Variants in RSF1 observed in about 807,000 individuals in gnomAD.
RSF1 encodes the protein HBV pX-associated protein 8.
In RSF1, 13 loss-of-function variants were observed where a neutral mutation model predicts 145.2. That is an observed-to-expected ratio of 0.09 (90% CI 0.06 to 0.14). RSF1 has a LOEUF of 0.14. Ranked by LOEUF, RSF1 falls within the 10% of genes least tolerant of loss-of-function variation. RSF1 has a pLI of 1.00. For missense variants in RSF1, 1,517 were observed against 1,718.2 expected, an observed-to-expected ratio of 0.88 and a Z score of 2.07; for synonymous variants, 577 against 592.6, an observed-to-expected ratio of 0.97 and a Z score of 0.38.
intron 9 of RSF1, among the ~76,000 whole-genome samples, chr11:77,688,318 T>C (rs1415577376): frequency 6.6e-6 from 1 of 151,824 alleles, no homozygotes; most frequent in Non-Finnish European, 1.5e-5. Flanking sequence ...AAAACAAAAT[T>C]CTCTTCCTTA....
At chr11:77,839,961 A>G in the RSF1 span, among the ~76,000 whole-genome samples, 1 of 152,190 alleles carries the variant, frequency 6.6e-6, no homozygotes, top group Non-Finnish European at 1.5e-5. Context: ...TTACACATGT[A>G]TCCTGGAACG....
chr11:77,825,931 A>T, the RSF1 span, among the ~76,000 whole-genome samples: 1 of 152,018 alleles, frequency 6.6e-6, no homozygotes, highest in East Asian at 1.9e-4. Context: ...ACCTCAGATG[A>T]TCTGCTCACC....
intron 1 of RSF1, among the ~76,000 whole-genome samples, chr11:77,773,905 T>C (rs1300474733): frequency 6.6e-6 from 1 of 152,232 alleles, no homozygotes; most frequent in Non-Finnish European, 1.5e-5. Context: ...ATTGCTTAGA[T>C]TTCTGGCCAA....
chr11:77,688,440 G>GA (rs1960067003), intron 9 of RSF1, among the ~76,000 whole-genome samples: 1 of 152,128 alleles, frequency 6.6e-6, no homozygotes, highest in African/African-American at 2.4e-5. Flanking sequence ...GGAGGCAAAG[G>GA]AAAAATCTAG....
At chr11:77,802,362 G>C (rs991385285) in intron 1 of RSF1, among the ~76,000 whole-genome samples, 1 of 152,116 alleles carries the variant, frequency 6.6e-6, no homozygotes, top group Non-Finnish European at 1.5e-5. Context: ...TCTTTAATTT[G>C]TGGGACTGTG....
At chr11:77,669,389 G>A (rs1012670536) in intron 15 of RSF1, among the ~76,000 whole-genome samples, 2 of 152,090 alleles carry the variant, frequency 1.3e-5, no homozygotes, top group African/African-American at 4.8e-5. Context: ...ATGTGGGATG[G>A]TTTGCTTTCC....
the RSF1 span, chr11:77,869,556 A>C: frequency 4.7e-5 from 27 of 573,042 alleles, no homozygotes; most frequent in Non-Finnish European, 3.1e-6. Flanking sequence ...GGTTCAAGGG[A>C]TCCTGCCTCG....
At chr11:77,717,432 G>T (rs921834720) in intron 5 of RSF1, among the ~76,000 whole-genome samples, 2 of 152,096 alleles carry the variant, frequency 1.3e-5, no homozygotes, top group African/African-American at 2.4e-5. Flanking sequence ...ATGGCCATAA[G>T]AACTGTTGCA....
At chr11:77,686,430 C>CAAAA (rs1328812986) in intron 9 of RSF1, among the ~76,000 whole-genome samples, 1 of 41,972 alleles carries the variant, frequency 2.4e-5, no homozygotes, top group African/African-American at 1.1e-4. Flanking sequence ...AAAAAAAAAG[C>CAAAA]AGGTGTTTTC....
At chr11:77,707,197 G>C (rs569057567) in intron 5 of RSF1, among the ~76,000 whole-genome samples, 12 of 152,116 alleles carry the variant, frequency 7.9e-5, no homozygotes, top group African/African-American at 2.9e-4. Context: ...AGAAATCATG[G>C]ATTATTCACC....
intron 1 of RSF1, among the ~76,000 whole-genome samples, chr11:77,802,836 C>A (rs1948639217): frequency 6.6e-6 from 1 of 152,084 alleles, no homozygotes; most frequent in Admixed American, 6.6e-5. Flanking sequence ...CAGGAGTGAG[C>A]CACCAAAACC....
chr11:77,812,397 G>A (rs1948740113), intron 1 of RSF1, among the ~76,000 whole-genome samples: 1 of 152,170 alleles, frequency 6.6e-6, no homozygotes, highest in Non-Finnish European at 1.5e-5. Context: ...AAATACTGGA[G>A]AATAAAGCTT....
chr11:77,737,858 G>A (rs1373501707), intron 4 of RSF1, among the ~76,000 whole-genome samples: 2 of 152,154 alleles, frequency 1.3e-5, no homozygotes, highest in South Asian at 2.1e-4. Flanking sequence ...GGCCAGGCAC[G>A]GTGGCTCACG....
chr11:77,829,936 A>G, the RSF1 span: 3 of 152,238 alleles, frequency 2.0e-5, no homozygotes, highest in Admixed American at 6.5e-5. Flanking sequence ...ATTTGAGACC[A>G]TCCTGGGAAA....
Position 77,685,083 on chromosome 11 carries a change from A to T in RSF1, c.2955+22T>A, listed in dbSNP as rs755060765. Reference sequence around the variant, plus strand: ...AATTATGACAATCTCCCATTTAAAAACATTACAAATCAGAAACTTACTTGT... The same window carrying T: ...AATTATGACAATCTCCCATTTAAAATCATTACAAATCAGAAACTTACTTGT... On this transcript the variant is annotated intron_variant, in intron 10 of 15. Coordinates refer to ENST00000308488, the MANE Select transcript of RSF1 (RefSeq NM_016578.4). The T allele has an allele frequency of 2.4e-5, 34 of 1,425,610 alleles. No homozygotes were observed. In the South Asian group the frequency reaches 4.7e-4, roughly 20 times the overall value. 88.3% of individuals were successfully genotyped at this position (1,425,610 alleles called of 1,614,324 possible).
chr11:77,829,759 A>G, the RSF1 span: 1 of 152,244 alleles, frequency 6.6e-6, no homozygotes, highest in African/African-American at 2.4e-5. Flanking sequence ...AATAGACCTC[A>G]TCAAAATTAA....
At chr11:77,756,932 T>C (rs1302785792) in intron 2 of RSF1, among the ~76,000 whole-genome samples, 1 of 152,094 alleles carries the variant, frequency 6.6e-6, no homozygotes, top group Admixed American at 6.6e-5. Context: ...CAAATAATTA[T>C]CAGGGGAAAA....
At chr11:77,820,393 C>A in intron 1 of RSF1, 135 bp downstream of exon 1, 1 of 954,744 alleles carries the variant, frequency 1.0e-6, no homozygotes, top group Non-Finnish European at 1.5e-6. Flanking sequence ...GAAGACCAGC[C>A]CGGCGGAGTT....
intron 5 of RSF1, among the ~76,000 whole-genome samples, chr11:77,721,307 G>A (rs2135881374): frequency 6.6e-6 from 1 of 152,270 alleles, no homozygotes; most frequent in East Asian, 1.9e-4. Flanking sequence ...CACAGCCCAA[G>A]GGTAATGTTT....
Sources: gnomAD v4.1 joint callset for allele counts (sites outside exome capture counted in the v4.1 genomes callset) on GRCh38, gnomAD v4.1.1 for gene constraint, MANE v1.5 for transcripts, NCBI Gene and HGNC (gene_info 2026-07-23, HGNC 2026-07-21) for gene names.